The following DRC11 variants were observed in gnomAD, a reference collection of about 807,000 sequenced individuals.
The protein encoded by DRC11 is dynein regulatory complex subunit 11, also known as IQ and AAA domain-containing protein 1.
the DRC11 span, chr2:236,331,430 TGA>T: frequency 6.2e-7 from 1 of 1,613,872 alleles, no homozygotes; most frequent in Non-Finnish European, 8.5e-7. This position sits in a 1 kb window ranked among gnomAD's most constrained non-coding sequence, Gnocchi z 4.8. Flanking sequence ...TCAACTGCAG[TGA>T]GAGGTTTATG....
At chr2:236,494,856 C>T in the DRC11 span, among the ~76,000 whole-genome samples, 168 of 152,074 alleles carry the variant, frequency 1.1e-3, 1 homozygote, top group South Asian at 1.7e-3. This position sits in a 1 kb window ranked among gnomAD's most constrained non-coding sequence, Gnocchi z 4.2. Flanking sequence ...CTGGGGGTGA[C>T]GGGAGAGTGA....
At chr2:236,427,016 T>C in the DRC11 span, among the ~76,000 whole-genome samples, 1 of 152,246 alleles carries the variant, frequency 6.6e-6, no homozygotes, top group South Asian at 2.1e-4. The surrounding 1 kb of genome is among the most constrained non-coding windows in gnomAD (Gnocchi z 5.9). Flanking sequence ...AAATACTTTT[T>C]CTGCATCTAT....
the DRC11 span, among the ~76,000 whole-genome samples, chr2:236,497,003 C>T: frequency 3.9e-5 from 6 of 152,136 alleles, no homozygotes; most frequent in African/African-American, 1.2e-4. The surrounding 1 kb of genome is among the most constrained non-coding windows in gnomAD (Gnocchi z 5.1). Flanking sequence ...AATCCTTGTC[C>T]GTGACAGCAT....
chr2:236,363,736 T>A, the DRC11 span: 1 of 1,411,064 alleles, frequency 7.1e-7, no homozygotes, highest in Non-Finnish European at 9.9e-7. This position sits in a 1 kb window ranked among gnomAD's most constrained non-coding sequence, Gnocchi z 5.6. Flanking sequence ...AAATGTAATT[T>A]GAAAGAGGGA....
chr2:236,491,203 TA>T, the DRC11 span, among the ~76,000 whole-genome samples: 3 of 62,958 alleles, frequency 4.8e-5, 1 homozygote, highest in African/African-American at 2.2e-4. Flanking sequence ...TATATATATA[TA>T]TATATATACA....
the DRC11 span, among the ~76,000 whole-genome samples, chr2:236,494,456 T>C: frequency 6.6e-6 from 1 of 152,204 alleles, no homozygotes; most frequent in Non-Finnish European, 1.5e-5. This position sits in a 1 kb window ranked among gnomAD's most constrained non-coding sequence, Gnocchi z 4.2. Context: ...TACCAAATAT[T>C]TCAAACCAGT....
the DRC11 span, among the ~76,000 whole-genome samples, chr2:236,474,786 C>A: frequency 6.6e-6 from 1 of 152,030 alleles, no homozygotes; most frequent in African/African-American, 2.4e-5. Flanking sequence ...TGAAACTCTA[C>A]TGCCATTTAA....
At chr2:236,466,896 C>A in the DRC11 span, among the ~76,000 whole-genome samples, 813 of 152,262 alleles carry the variant, frequency 5.3e-3, 8 homozygotes, top group African/African-American at 0.018. Context: ...TTGAGTGTAA[C>A]TTTCAGAATG....
At chr2:236,357,798 TATATAA>T in the DRC11 span, among the ~76,000 whole-genome samples, 2 of 126,536 alleles carry the variant, frequency 1.6e-5, no homozygotes, top group Non-Finnish European at 1.5e-5. Flanking sequence ...ATACATATAC[TATATAA>T]ATATAGAATA....
At chr2:236,349,407 T>G in the DRC11 span, among the ~76,000 whole-genome samples, 3 of 152,240 alleles carry the variant, frequency 2.0e-5, no homozygotes, top group Non-Finnish European at 4.4e-5. The surrounding 1 kb of genome is among the most constrained non-coding windows in gnomAD (Gnocchi z 5.5). Context: ...TCTTATTTTT[T>G]TTCAGTACCT....
chr2:236,451,582 C>A, the DRC11 span, among the ~76,000 whole-genome samples: 1 of 152,052 alleles, frequency 6.6e-6, no homozygotes, highest in South Asian at 2.1e-4. Flanking sequence ...AAAAATAAGA[C>A]GAGTAATTTT....
chr2:236,471,460 T>A, the DRC11 span, among the ~76,000 whole-genome samples: 89 of 152,340 alleles, frequency 5.8e-4, no homozygotes, highest in African/African-American at 2.0e-3. This position sits in a 1 kb window ranked among gnomAD's most constrained non-coding sequence, Gnocchi z 4.6. Flanking sequence ...TAACGTTAAC[T>A]TTTTTGATAT....
chr2:236,409,260 A>G, the DRC11 span, among the ~76,000 whole-genome samples: 1 of 152,118 alleles, frequency 6.6e-6, no homozygotes, highest in Non-Finnish European at 1.5e-5. Flanking sequence ...ACACACCATC[A>G]TGCCTGGCTA....
At chr2:236,479,795 G>T in the DRC11 span, among the ~76,000 whole-genome samples, 1 of 152,060 alleles carries the variant, frequency 6.6e-6, no homozygotes, top group Non-Finnish European at 1.5e-5. The surrounding 1 kb of genome is among the most constrained non-coding windows in gnomAD (Gnocchi z 4.1). Context: ...GAGTAATTTG[G>T]CTTTGTCTGT....
the DRC11 span, among the ~76,000 whole-genome samples, chr2:236,417,960 T>C: frequency 0.032 from 4,850 of 152,326 alleles, 244 homozygotes; most frequent in East Asian, 0.18. Context: ...TGCCACATTT[T>C]CTTTATCCAG....
At chr2:236,359,875 A>C in the DRC11 span, among the ~76,000 whole-genome samples, 1 of 152,178 alleles carries the variant, frequency 6.6e-6, no homozygotes, top group Non-Finnish European at 1.5e-5. This position sits in a 1 kb window ranked among gnomAD's most constrained non-coding sequence, Gnocchi z 4.3. Flanking sequence ...AAGAAAGGTG[A>C]AGTTTAATGA....
At chr2:236,400,129 C>T in the DRC11 span, among the ~76,000 whole-genome samples, 1 of 152,214 alleles carries the variant, frequency 6.6e-6, no homozygotes, top group East Asian at 1.9e-4. This position sits in a 1 kb window ranked among gnomAD's most constrained non-coding sequence, Gnocchi z 7.9. Flanking sequence ...TGGAGCTACT[C>T]CGAGTCCTTT....
At chr2:236,499,954 C>T in the DRC11 span, among the ~76,000 whole-genome samples, 6 of 152,196 alleles carry the variant, frequency 3.9e-5, no homozygotes, top group Non-Finnish European at 7.3e-5. This position sits in a 1 kb window ranked among gnomAD's most constrained non-coding sequence, Gnocchi z 4.7. Context: ...TCTGCCATTC[C>T]TCAAACATGC....
the DRC11 span, among the ~76,000 whole-genome samples, chr2:236,496,797 T>C: frequency 6.6e-6 from 1 of 152,120 alleles, no homozygotes; most frequent in African/African-American, 2.4e-5. The surrounding 1 kb of genome is among the most constrained non-coding windows in gnomAD (Gnocchi z 6.3). Context: ...AGAGATTCCA[T>C]GGAAACAGAG....
Sources: allele counts gnomAD v4.1 joint callset (sites outside exome capture counted in the v4.1 genomes callset), GRCh38; gene constraint gnomAD v4.1.1; non-coding constraint Gnocchi (gnomAD v3.1); transcripts MANE v1.5; gene names NCBI Gene and HGNC (gene_info 2026-07-23, HGNC 2026-07-21).